Variants in RYR3 observed in about 807,000 individuals in gnomAD.
RYR3 encodes the protein ryanodine receptor 3.
In RYR3, 207 loss-of-function variants were observed where a neutral mutation model predicts 584.3. That is an observed-to-expected ratio of 0.35 (90% CI 0.32 to 0.40). RYR3 has a LOEUF of 0.40. Among genes scored for constraint, RYR3 ranks in the 10% least tolerant of loss-of-function variants. The pLI is 1.00. For synonymous variants in RYR3, 2,416 were observed against 2,248.5 expected (o/e 1.07, Z -2.11); for missense variants, 5,616 against 6,089.2 (o/e 0.92, Z 2.59).
chr15:33,537,947 G>T (rs1456892036), intron 5 of RYR3, among the ~76,000 whole-genome samples: 2 of 151,482 alleles, frequency 1.3e-5, no homozygotes, highest in Non-Finnish European at 2.9e-5. Flanking sequence ...CCTTCTGGAA[G>T]AATTTTTCAG....
intron 1 of RYR3, among the ~76,000 whole-genome samples, chr15:33,453,061 G>C (rs1289009017): frequency 6.3e-4 from 38 of 60,556 alleles, no homozygotes; most frequent in Non-Finnish European, 2.6e-4. Flanking sequence ...CTTGAAACTA[G>C]GGTTTTTTTC....
intron 1 of RYR3, among the ~76,000 whole-genome samples, chr15:33,441,630 A>C (rs765848287): frequency 6.6e-6 from 1 of 152,188 alleles, no homozygotes; most frequent in African/African-American, 2.4e-5. Flanking sequence ...GTGCTTTCTC[A>C]AAACTCTGTG....
intron 1 of RYR3, among the ~76,000 whole-genome samples, chr15:33,399,137 T>C (rs756767161): frequency 6.6e-6 from 1 of 152,198 alleles, no homozygotes; most frequent in Non-Finnish European, 1.5e-5. Flanking sequence ...ATCCTGGCAT[T>C]ACCTTTGACA....
At chr15:33,548,016 CCAAA>C in intron 8 of RYR3, 110 bp from the exon 9 acceptor site, 1 of 715,594 alleles carries the variant, frequency 1.4e-6, no homozygotes, top group Admixed American at 2.5e-5. Context: ...TCTGCTGACT[CCAAA>C]AGGGCTTAGA....
At position 33,647,442 on chromosome 15, in the gene RYR3, ACT is replaced by A; in HGVS notation, c.3966_3967del (p.His1323TyrfsTer34). 1 of 1,606,852 alleles carries A rather than the reference ACT, an allele frequency of 6.2e-7. No individual in the cohort carries two copies. The highest frequency in any genetic ancestry group is 8.5e-7 in the Non-Finnish European group (1 of 1,173,642). On this transcript the variant is annotated frameshift_variant, in exon 30 of 104. Coordinates refer to ENST00000634891, the MANE Select transcript of RYR3 (RefSeq NM_001036.6). LOFTEE classifies it high-confidence loss of function. ...CCCCCAGGAAACAGATGCAAGAAAT[ACT>A]CTCTCATACAACAACAGTAAGTAAA... Reference protein sequence around the residue: ...FQKRKQMQEILSHTTTQCYYA... With the variant: ...FQKRKQMQEIXSHTTTQCYYA...
chr15:33,488,944 T>A (rs2050733140), intron 2 of RYR3, among the ~76,000 whole-genome samples: 1 of 152,230 alleles, frequency 6.6e-6, no homozygotes, highest in Admixed American at 6.5e-5. Context: ...AGGTAAAACC[T>A]AAGTCATGGT....
intron 34 of RYR3, among the ~76,000 whole-genome samples, chr15:33,660,837 T>C (rs995593508): frequency 2.0e-5 from 3 of 152,188 alleles, no homozygotes; most frequent in African/African-American, 4.8e-5. Flanking sequence ...TGCTCTCTCT[T>C]TCTGGCTTTG....
chr15:33,475,485 G>A (rs1272864018), intron 2 of RYR3, among the ~76,000 whole-genome samples: 1 of 152,160 alleles, frequency 6.6e-6, no homozygotes, highest in Admixed American at 6.5e-5. Context: ...TCACATTAAG[G>A]TTCATGCTCC....
At position 33,412,891 on chromosome 15, in the gene RYR3, T is replaced by G. The variant is rs2043507570; in HGVS notation, c.52-60528T>G. Among the ~76,000 whole-genome samples, 1 of 151,976 alleles carries G rather than the reference T, an allele frequency of 6.6e-6. No individual in the cohort carries two copies. The highest frequency in any genetic ancestry group is 1.5e-5 in the Non-Finnish European group (1 of 68,004). On this transcript the variant is annotated intron_variant, in intron 1 of 103. Coordinates refer to ENST00000634891, the MANE Select transcript of RYR3 (RefSeq NM_001036.6). This position sits in a 1 kb window ranked among gnomAD's most constrained non-coding sequence, Gnocchi z 4.3. ...TCTTCCTGGGGGAAGGCAGCTGGGG[T>G]TGAGTGTTGACGATGAGAAAAAAAT...
At chr15:33,519,625 GTTT>G (rs5811766) in intron 3 of RYR3, among the ~76,000 whole-genome samples, 1 of 146,304 alleles carries the variant, frequency 6.8e-6, no homozygotes. Flanking sequence ...CTTTTATGTT[GTTT>G]TTTTTTTTTC....
intron 25 of RYR3, 101 bp from the exon 26 acceptor site, chr15:33,635,513 T>A (rs2061455945): frequency 1.8e-5 from 15 of 830,866 alleles, no homozygotes; most frequent in Non-Finnish European, 2.4e-5. Flanking sequence ...CAGTCTTAGA[T>A]GTTCTCATCA....
chr15:33,476,392 T>A (rs1395981519), intron 2 of RYR3, among the ~76,000 whole-genome samples: 1 of 152,218 alleles, frequency 6.6e-6, no homozygotes, highest in Non-Finnish European at 1.5e-5. Flanking sequence ...TCAAGCAAGA[T>A]AAGACTGAAG....
intron 38 of RYR3, among the ~76,000 whole-genome samples, chr15:33,672,546 A>G (rs1024866796): frequency 6.6e-6 from 1 of 152,156 alleles, no homozygotes; most frequent in African/African-American, 2.4e-5. Flanking sequence ...GACATGATGA[A>G]TCCCCTCACT....
At chr15:33,415,911 T>G (rs1382189973) in intron 1 of RYR3, among the ~76,000 whole-genome samples, 1 of 152,148 alleles carries the variant, frequency 6.6e-6, no homozygotes, top group African/African-American at 2.4e-5. Context: ...GTTCCCATCT[T>G]TGCGTGTAGC....
chr15:33,747,714 C>G (rs1053096586), intron 53 of RYR3, among the ~76,000 whole-genome samples: 1 of 152,110 alleles, frequency 6.6e-6, no homozygotes, highest in African/African-American at 2.4e-5. Context: ...CATGAGCCAC[C>G]GTGCCCAGCC....
intron 1 of RYR3, among the ~76,000 whole-genome samples, chr15:33,317,944 G>C (rs927467963): frequency 6.6e-6 from 1 of 152,122 alleles, no homozygotes; most frequent in African/African-American, 2.4e-5. Flanking sequence ...AGGTCTCTCT[G>C]CTCCTGTGCA....
intron 1 of RYR3, among the ~76,000 whole-genome samples, chr15:33,464,802 C>T (rs1050103211): frequency 6.6e-6 from 1 of 151,912 alleles, no homozygotes; most frequent in African/African-American, 2.4e-5. Flanking sequence ...GTATTGTCAA[C>T]TAGAGTCACC....
chr15:33,603,626 G>T (rs114912786), intron 18 of RYR3, among the ~76,000 whole-genome samples: 1 of 152,154 alleles, frequency 6.6e-6, no homozygotes, highest in Non-Finnish European at 1.5e-5. Context: ...GTACGGAATC[G>T]TTAGGATTAT....
rs750872747 is a variant in RYR3, at chr15:33,660,375, G to A, written c.4574G>A (p.Cys1525Tyr). The change falls in exon 34 of 104, where the codon TGC becomes TAC. Residue 1525 changes from cysteine to tyrosine, a missense_variant. This residue lies in a region of RYR3 where 753 missense variants were observed against 741.0 expected (regional missense o/e 1.02). Transcript: ENST00000634891. ...VSERHGWVVQ[C>Y]LEPLQMMALH... ...GAGCGCCACGGCTGGGTGGTGCAGT[G>A]CCTGGAGCCCCTGCAGATGATGGCG... 6.3e-6 allele frequency: 10 copies of A among 1,587,096 alleles called. No individual in the cohort carries two copies. In the East Asian group the frequency reaches 2.1e-4, roughly 33 times the overall value.
Sources: gnomAD v4.1 joint callset for allele counts (sites outside exome capture counted in the v4.1 genomes callset) on GRCh38, gnomAD v4.1.1 for gene constraint, gnomAD v4.1.1 regional missense constraint, Gnocchi (gnomAD v3.1) non-coding constraint, MANE v1.5 for transcripts, NCBI Gene and HGNC (gene_info 2026-07-23, HGNC 2026-07-21) for gene names.